ELMO1: variants seen among roughly 807,000 people sequenced by gnomAD.
ELMO1 encodes the protein engulfment and cell motility 1.
A neutral mutation model predicts 98.9 loss-of-function variants in ELMO1; 26 were observed. That is an observed-to-expected ratio of 0.26 (90% CI 0.19 to 0.36). The LOEUF (loss-of-function observed/expected upper bound fraction) is 0.36. ELMO1 is among the 10% of genes least tolerant of loss of function. The pLI is 1.00. For synonymous variants in ELMO1, 346 were observed against 346.0 expected, an observed-to-expected ratio of 1.00 and a Z score of 0.00; for missense variants, 627 against 935.2, an observed-to-expected ratio of 0.67 and a Z score of 4.30.
At chr7:37,168,100 C>T (rs918133928) in intron 13 of ELMO1, among the ~76,000 whole-genome samples, 6 of 151,854 alleles carry the variant, frequency 4.0e-5, no homozygotes, top group Non-Finnish European at 8.8e-5. Context: ...CATCTTCCAT[C>T]ACTGATATCC....
At chr7:36,895,801 T>A (rs77914322) in intron 16 of ELMO1, among the ~76,000 whole-genome samples, 2,903 of 152,292 alleles carry the variant, frequency 0.019, 89 homozygotes, top group African/African-American at 0.067. Flanking sequence ...TGCTGCTTCT[T>A]TTTTCACTCT....
chr7:37,135,097 G>A (rs375491940), intron 13 of ELMO1, among the ~76,000 whole-genome samples: 35 of 152,170 alleles, frequency 2.3e-4, no homozygotes, highest in African/African-American at 6.3e-4. Flanking sequence ...GGAGAAGGCC[G>A]GGCTGATCTG....
intron 1 of ELMO1, among the ~76,000 whole-genome samples, chr7:37,349,777 G>A (rs539063618): frequency 1.6e-4 from 25 of 152,248 alleles, no homozygotes; most frequent in African/African-American, 5.5e-4. Flanking sequence ...TGAGAACACC[G>A]CCCTGCATGG....
intron 16 of ELMO1, among the ~76,000 whole-genome samples, chr7:36,932,620 T>A (rs1368369449): frequency 6.6e-6 from 1 of 152,240 alleles, no homozygotes; most frequent in Non-Finnish European, 1.5e-5. Context: ...TGGAGTCTTA[T>A]GCTTCTGTAA....
At chr7:36,908,607 G>A (rs576749979) in intron 16 of ELMO1, among the ~76,000 whole-genome samples, 62 of 152,034 alleles carry the variant, frequency 4.1e-4, no homozygotes, top group African/African-American at 1.4e-3. Flanking sequence ...ATCTTGTAAA[G>A]TGACAATCAA....
chr7:37,076,911 C>G (rs1797613554), intron 15 of ELMO1, among the ~76,000 whole-genome samples: 1 of 152,238 alleles, frequency 6.6e-6, no homozygotes, highest in Non-Finnish European at 1.5e-5. Flanking sequence ...GGCTAAGAGC[C>G]TTCCCATTGC....
intron 16 of ELMO1, among the ~76,000 whole-genome samples, chr7:36,924,592 T>C (rs1051339324): frequency 6.6e-6 from 1 of 152,352 alleles, no homozygotes; most frequent in East Asian, 1.9e-4. Flanking sequence ...AGCAGCACAT[T>C]TGGCAAACTT....
At chr7:37,411,074 A>AGTAG (rs1321960159) in intron 1 of ELMO1, among the ~76,000 whole-genome samples, 1 of 152,244 alleles carries the variant, frequency 6.6e-6, no homozygotes, top group Non-Finnish European at 1.5e-5. Flanking sequence ...AGGAACAAGA[A>AGTAG]GTAGTATAAC....
At chr7:36,924,145 A>G (rs1429284776) in intron 16 of ELMO1, among the ~76,000 whole-genome samples, 1 of 152,246 alleles carries the variant, frequency 6.6e-6, no homozygotes, top group Non-Finnish European at 1.5e-5. Flanking sequence ...CTCCACTTCC[A>G]AAGTCTAAAT....
In ELMO1 at chr7:37,305,492, G is replaced by A. The variant is rs562912087; in HGVS notation, c.192+9358C>T. Among the ~76,000 whole-genome samples, 21 of 151,456 alleles carry A rather than the reference G, an allele frequency of 1.4e-4. No individual in the cohort carries two copies. In the South Asian group the frequency reaches 4.2e-3, roughly 30 times the overall value. On this transcript the variant is annotated intron_variant, in intron 4 of 21. Coordinates refer to ENST00000310758, the MANE Select transcript of ELMO1 (RefSeq NM_014800.11). ...TGTATGTGCATATTTCTTTTCAAAA[G>A]GTAATTAATCAGTTGTTGCAGACTG...
At chr7:37,150,277 C>CTTTTT (rs10714242) in intron 13 of ELMO1, among the ~76,000 whole-genome samples, 1 of 143,908 alleles carries the variant, frequency 6.9e-6, no homozygotes, top group Non-Finnish European at 1.6e-5. Flanking sequence ...ATGCGGAATT[C>CTTTTT]TTTTTTTTTT....
chr7:36,990,333 C>T (rs943043945), intron 16 of ELMO1, among the ~76,000 whole-genome samples: 2 of 152,184 alleles, frequency 1.3e-5, no homozygotes, highest in Non-Finnish European at 2.9e-5. Flanking sequence ...GACTGCTTGT[C>T]AAGTTCCCAA....
chr7:36,972,745 G>A (rs1033225579), intron 16 of ELMO1, among the ~76,000 whole-genome samples: 2 of 152,184 alleles, frequency 1.3e-5, no homozygotes, highest in African/African-American at 2.4e-5. Flanking sequence ...CGGAGGTTAG[G>A]ACTTCAATCT....
chr7:37,093,316 T>TA (rs1784217581), intron 15 of ELMO1, among the ~76,000 whole-genome samples: 1 of 152,218 alleles, frequency 6.6e-6, no homozygotes, highest in Non-Finnish European at 1.5e-5. Flanking sequence ...GACCAAAAAT[T>TA]AAAATCAAAA....
chr7:37,030,618 TCA>T (rs1395410086), intron 15 of ELMO1, among the ~76,000 whole-genome samples: 1 of 152,144 alleles, frequency 6.6e-6, no homozygotes, highest in East Asian at 1.9e-4. Context: ...CATTACTACC[TCA>T]CAGGGGAAAA....
chr7:37,011,619 A>G (rs1793564950), intron 16 of ELMO1, among the ~76,000 whole-genome samples: 1 of 152,230 alleles, frequency 6.6e-6, no homozygotes, highest in Admixed American at 6.5e-5. Flanking sequence ...ATCTCTCAGA[A>G]AGCAGACATC....
intron 16 of ELMO1, among the ~76,000 whole-genome samples, chr7:36,951,150 T>G (rs1425899218): frequency 6.6e-6 from 1 of 152,202 alleles, no homozygotes. Context: ...GCCTCCTTCC[T>G]GGTCTCCCAC....
intron 6 of ELMO1, among the ~76,000 whole-genome samples, chr7:37,250,206 CATA>C (rs1319391085): frequency 1.3e-5 from 2 of 152,098 alleles, no homozygotes; most frequent in Non-Finnish European, 2.9e-5. Context: ...ATTAATTGTA[CATA>C]ATAAGCTATA....
chr7:37,090,051 C>T (rs879347667), intron 15 of ELMO1, among the ~76,000 whole-genome samples: 1 of 152,174 alleles, frequency 6.6e-6, no homozygotes, highest in Admixed American at 6.5e-5. Flanking sequence ...AAGAGATCCA[C>T]CGGAAGAGAT....
Sources: gnomAD v4.1 joint callset for allele counts (sites outside exome capture counted in the v4.1 genomes callset) on GRCh38, gnomAD v4.1.1 for gene constraint, MANE v1.5 for transcripts, NCBI Gene and HGNC (gene_info 2026-07-23, HGNC 2026-07-21) for gene names.